RPS6KA2: variants seen among roughly 807,000 people sequenced by gnomAD.
The protein encoded by RPS6KA2 is ribosomal protein S6 kinase A2, also known as ribosomal protein S6 kinase alpha-2.
Under a neutral mutation model 91.8 loss-of-function variants are expected in RPS6KA2, and 42 were observed. The ratio of observed to expected loss-of-function variants is 0.46; its 90% CI spans 0.36 to 0.59. RPS6KA2 has a LOEUF of 0.59. Among genes scored for constraint, RPS6KA2 ranks in the 20% least tolerant of loss-of-function variants. The pLI is 0.00. For synonymous variants in RPS6KA2, 414 were observed against 393.6 expected (o/e 1.05, Z -0.61); for missense variants, 798 against 978.5 (o/e 0.82, Z 2.46).
At position 166,554,711 on chromosome 6, in the gene RPS6KA2, G is replaced by GT. The variant is rs1394876028; in HGVS notation, c.100-15928dup. On this transcript the variant is annotated intron_variant, in intron 1 of 20. Transcript: ENST00000265678. This position sits in a 1 kb window ranked among gnomAD's most constrained non-coding sequence, Gnocchi z 4.3. ...CCAACCTGCTGTCTGAAAGGGTTTT[G>GT]TTTTTTTGTTTTTTTCTAAGCAAAC... Among the ~76,000 whole-genome samples, 2 of 152,182 alleles carry GT rather than the reference G, an allele frequency of 1.3e-5. No individual in the cohort carries two copies. Among genetic ancestry groups the GT allele is most frequent in the East Asian group, 1.9e-4 (1 of 5,188 alleles).
chr6:166,792,311 T>C (rs900641312), intron 2 of RPS6KA2, among the ~76,000 whole-genome samples: 5 of 152,252 alleles, frequency 3.3e-5, no homozygotes, highest in South Asian at 2.1e-4. Flanking sequence ...CAGGAAGAAG[T>C]TGAGTCCCTG....
chr6:166,823,861 C>T (rs906891521), intron 2 of RPS6KA2, among the ~76,000 whole-genome samples: 3 of 152,052 alleles, frequency 2.0e-5, no homozygotes, highest in African/African-American at 4.8e-5. Context: ...CTTACGATAC[C>T]ACATGTTAGG....
At chr6:166,629,403 G>GT (rs1787006220), upstream of RPS6KA2, among the ~76,000 whole-genome samples, 1 of 152,242 alleles carries the variant, frequency 6.6e-6, no homozygotes, top group Non-Finnish European at 1.5e-5. Flanking sequence ...CCCCAAATTT[G>GT]AAGGCAACAA....
At chr6:166,745,108 A>G (rs539886286) in intron 2 of RPS6KA2, among the ~76,000 whole-genome samples, 29 of 145,462 alleles carry the variant, frequency 2.0e-4, no homozygotes, top group African/African-American at 5.9e-4. Flanking sequence ...CCCTGTCCTC[A>G]TGTGGCCCTT....
chr6:166,789,562 C>T (rs1205452474), intron 2 of RPS6KA2, among the ~76,000 whole-genome samples: 1 of 152,234 alleles, frequency 6.6e-6, no homozygotes, highest in Non-Finnish European at 1.5e-5. Flanking sequence ...GGCAGACTGC[C>T]TCCTCAAGTG....
chr6:166,738,976 C>T (rs1790740247), intron 2 of RPS6KA2, among the ~76,000 whole-genome samples: 1 of 152,164 alleles, frequency 6.6e-6, no homozygotes, highest in Non-Finnish European at 1.5e-5. Flanking sequence ...CCTGAAAACA[C>T]CTATAGGTTT....
At chr6:166,457,025 G>T (rs973749456) in intron 12 of RPS6KA2, among the ~76,000 whole-genome samples, 4 of 152,328 alleles carry the variant, frequency 2.6e-5, no homozygotes, top group Non-Finnish European at 4.4e-5. Context: ...AAGATAAAAG[G>T]CATGTCCATA....
intron 15 of RPS6KA2, among the ~76,000 whole-genome samples, chr6:166,431,319 C>T (rs758786872): frequency 6.6e-6 from 1 of 152,228 alleles, no homozygotes; most frequent in Admixed American, 6.5e-5. Flanking sequence ...CAAACTGTAA[C>T]GTGCATCCAA....
At chr6:166,604,663 C>T (rs1009160021) in intron 1 of RPS6KA2, among the ~76,000 whole-genome samples, 1 of 152,218 alleles carries the variant, frequency 6.6e-6, no homozygotes, top group Non-Finnish European at 1.5e-5. Flanking sequence ...TAAATATGGA[C>T]AGTGCTCAGA....
intron 1 of RPS6KA2, among the ~76,000 whole-genome samples, chr6:166,613,311 A>T (rs926912545): frequency 6.6e-6 from 1 of 152,250 alleles, no homozygotes; most frequent in African/African-American, 2.4e-5. Flanking sequence ...GTGCTGCTGA[A>T]AGTCTTTAAG....
chr6:166,427,694 C>T (rs1778976014), intron 16 of RPS6KA2, among the ~76,000 whole-genome samples: 1 of 152,172 alleles, frequency 6.6e-6, no homozygotes, highest in African/African-American at 2.4e-5. Flanking sequence ...AGTGAACTCC[C>T]ATTCACAATT....
intron 1 of RPS6KA2, among the ~76,000 whole-genome samples, chr6:166,568,621 G>GAAAAAAAAAAAAAAAAAAAAAA (rs60613942): frequency 2.2e-5 from 1 of 45,532 alleles, no homozygotes; most frequent in Non-Finnish European, 4.1e-5. Context: ...CTCCATCTCA[G>GAAAAAAAAAAAAAAAAAAAAAA]AAAAAAAAAA....
intron 9 of RPS6KA2, among the ~76,000 whole-genome samples, chr6:166,489,207 CATT>C (rs916390981): frequency 3.3e-5 from 5 of 151,752 alleles, no homozygotes; most frequent in African/African-American, 9.7e-5. Flanking sequence ...TATTAATAAA[CATT>C]ATTTAATAAT....
chr6:166,544,121 T>C (rs886517366), intron 1 of RPS6KA2, among the ~76,000 whole-genome samples: 1 of 152,254 alleles, frequency 6.6e-6, no homozygotes, highest in Admixed American at 6.5e-5. Context: ...GTTTGGCCTC[T>C]GCGTATTCCT....
chr6:166,476,764 C>T (rs1780989916), intron 10 of RPS6KA2, among the ~76,000 whole-genome samples: 1 of 152,112 alleles, frequency 6.6e-6, no homozygotes, highest in Non-Finnish European at 1.5e-5. Flanking sequence ...GACGCATTTG[C>T]TCCTCCTCCC....
intron 2 of RPS6KA2, among the ~76,000 whole-genome samples, chr6:166,709,268 G>T (rs1789777392): frequency 6.6e-6 from 1 of 152,056 alleles, no homozygotes; most frequent in South Asian, 2.1e-4. Flanking sequence ...TATTAATGGA[G>T]GAATAAGAAC....
intron 2 of RPS6KA2, among the ~76,000 whole-genome samples, chr6:166,731,313 C>A (rs575389251): frequency 9.3e-4 from 141 of 152,268 alleles, no homozygotes; most frequent in African/African-American, 3.3e-3. Context: ...GTTCGTTGGG[C>A]CCTACATTTA....
chr6:166,760,110 AGGT>A (rs1778126488), intron 2 of RPS6KA2, among the ~76,000 whole-genome samples: 1 of 152,160 alleles, frequency 6.6e-6, no homozygotes, highest in South Asian at 2.1e-4. Flanking sequence ...TAAAAACGGA[AGGT>A]TTCTTTTGGC....
rs913240385 is a variant in RPS6KA2 at position 166,603,272 on chromosome 6, G to A, written c.99+23649C>T. Among the ~76,000 whole-genome samples, 1 of 152,228 alleles carries A rather than the reference G, an allele frequency of 6.6e-6. No individual in the cohort carries two copies. The highest frequency in any genetic ancestry group is 2.4e-5 in the African/African-American group (1 of 41,460). On this transcript the variant is annotated intron_variant, in intron 1 of 20. Coordinates refer to ENST00000265678, the MANE Select transcript of RPS6KA2 (RefSeq NM_021135.6). This position sits in a 1 kb window ranked among gnomAD's most constrained non-coding sequence, Gnocchi z 4.3. ...CTAAGGGACAGGGAAGCTTGGCTGA[G>A]ATCACTGCACCTGCTCTCGGCTTGT...
Sources: gnomAD v4.1 joint callset for allele counts (sites outside exome capture counted in the v4.1 genomes callset) on GRCh38, gnomAD v4.1.1 for gene constraint, Gnocchi (gnomAD v3.1) non-coding constraint, MANE v1.5 for transcripts, NCBI Gene and HGNC (gene_info 2026-07-23, HGNC 2026-07-21) for gene names.